PARD3B: variants seen among roughly 807,000 people sequenced by gnomAD.
The protein encoded by PARD3B is partitioning defective 3 homolog B.
A neutral mutation model predicts 130.2 loss-of-function variants in PARD3B; 103 were observed. The observed-to-expected ratio is 0.79, with a 90% CI of 0.67 to 0.93. The LOEUF is 0.93. PARD3B is among the 40% of genes least tolerant of loss of function. The probability of loss-of-function intolerance (pLI) is 0.00; values close to 1 mark genes in which losing one functional copy is unlikely to be tolerated. For synonymous variants in PARD3B, 583 were observed against 553.2 expected, an observed-to-expected ratio of 1.05 and a Z score of -0.76; for missense variants, 1,609 against 1,499.2, an observed-to-expected ratio of 1.07 and a Z score of -1.21.
intron 3 of PARD3B, among the ~76,000 whole-genome samples, chr2:204,978,861 G>A (rs1259845356): frequency 6.6e-6 from 1 of 151,352 alleles, no homozygotes; most frequent in Non-Finnish European, 1.5e-5. Context: ...CTACTCAGGA[G>A]GCTAAGGCAA....
rs540715572 is a variant in PARD3B at position 205,540,587 on chromosome 2, A to G, written c.3181-12737A>G. The stretch of plus-strand genomic sequence containing the variant: ...GCAAATTCTACCCAGGGTTGCAGTA[A>G]TATTTCTAACCAGCTTCCTTTGTCC... On this transcript the variant is annotated intron_variant, in intron 21 of 22. Transcript: ENST00000406610. 1.1e-4 allele frequency among the ~76,000 whole-genome samples: 17 copies of G among 152,282 alleles called. No individual in the cohort carries two copies. The South Asian group carries it at 2.1e-3, about 19-fold the overall frequency.
intron 2 of PARD3B, among the ~76,000 whole-genome samples, chr2:204,818,726 C>T (rs2043229840): frequency 6.6e-6 from 1 of 152,150 alleles, no homozygotes; most frequent in Non-Finnish European, 1.5e-5. Context: ...ATTTCAGCCT[C>T]AGCTAAGACA....
chr2:205,386,913 C>G (rs1231941205), intron 18 of PARD3B, among the ~76,000 whole-genome samples: 1 of 151,916 alleles, frequency 6.6e-6, no homozygotes, highest in Non-Finnish European at 1.5e-5. Flanking sequence ...ATTTTTAAAC[C>G]AATAAAAATA....
intron 15 of PARD3B, among the ~76,000 whole-genome samples, chr2:205,245,080 G>T (rs2039511334): frequency 6.6e-6 from 1 of 152,178 alleles, no homozygotes; most frequent in African/African-American, 2.4e-5. Flanking sequence ...ACCTCTGTCT[G>T]CTTTGGCTTC....
At chr2:205,149,638 A>G (rs1343341691) in intron 10 of PARD3B, among the ~76,000 whole-genome samples, 1 of 152,196 alleles carries the variant, frequency 6.6e-6, no homozygotes, top group South Asian at 2.1e-4. Flanking sequence ...TTCTCCACTC[A>G]GAGATATCTG....
At chr2:205,434,735 T>C (rs1393132054) in intron 19 of PARD3B, among the ~76,000 whole-genome samples, 1 of 152,080 alleles carries the variant, frequency 6.6e-6, no homozygotes, top group Non-Finnish European at 1.5e-5. Flanking sequence ...GAACAATAAT[T>C]TGAAGAAAAT....
In PARD3B at chr2:205,553,322, A is replaced by G. The variant is rs1369684205; in HGVS notation, c.3181-2A>G. On this transcript the variant is annotated splice_acceptor_variant, in intron 21 of 22. Coordinates refer to ENST00000406610, the MANE Select transcript of PARD3B (RefSeq NM_001302769.2). LOFTEE classifies it high-confidence loss of function. The stretch of plus-strand genomic sequence containing the variant: ...CATCTCTAATTGCTTTTCTCTCCAC[A>G]GGTGCCTGGAAGGGGTCCAGATGGG... 1 of 1,613,538 alleles carries G rather than the reference A, an allele frequency of 6.2e-7. No individual in the cohort carries two copies. Among genetic ancestry groups the G allele is most frequent in the East Asian group, 2.2e-5 (1 of 44,844 alleles).
intron 4 of PARD3B, among the ~76,000 whole-genome samples, chr2:205,073,995 T>G (rs1285334702): frequency 6.6e-6 from 1 of 152,196 alleles, no homozygotes; most frequent in Non-Finnish European, 1.5e-5. Context: ...AAAATGCACT[T>G]CAGTCCCATT....
At chr2:205,340,864 TCC>T (rs2043499325) in intron 18 of PARD3B, among the ~76,000 whole-genome samples, 1 of 152,068 alleles carries the variant, frequency 6.6e-6, no homozygotes, top group Non-Finnish European at 1.5e-5. Flanking sequence ...GAAACTAATA[TCC>T]GGAACACCTA....
intron 4 of PARD3B, among the ~76,000 whole-genome samples, chr2:205,086,220 C>A (rs1171690920): frequency 6.6e-6 from 1 of 152,202 alleles, no homozygotes; most frequent in Non-Finnish European, 1.5e-5. Flanking sequence ...ACAAGCCCTA[C>A]TGGTTTTTCC....
chr2:205,185,716 A>G (rs1452626769), intron 13 of PARD3B, 48 bp from the exon 14 acceptor site: 1 of 1,517,562 alleles, frequency 6.6e-7, no homozygotes, highest in Non-Finnish European at 9.1e-7. Context: ...CAGGCATCGA[A>G]TGGTTCTGCT....
At position 205,113,533 on chromosome 2, in the gene PARD3B, A is replaced by G. The variant is rs370011906; in HGVS notation, c.636A>G (p.Pro212=). 28 of 1,613,292 alleles carry G rather than the reference A, an allele frequency of 1.7e-5. No individual in the cohort carries two copies. The highest frequency in any genetic ancestry group is 2.2e-5 in the Non-Finnish European group (26 of 1,179,644). The change falls in exon 6 of 23, where the codon CCA becomes CCG. Residue 212 remains proline, a synonymous_variant. Coordinates refer to ENST00000406610, the MANE Select transcript of PARD3B (RefSeq NM_001302769.2). The part of the protein sequence containing the change: ...RTVEISGEGG[P]LGIHVVPFFS... Reference sequence around the variant, plus strand: ...TGGAGATTTCTGGGGAAGGAGGCCCATTGGGAATACATGTAGTGCCCTTCT... The same window carrying G: ...TGGAGATTTCTGGGGAAGGAGGCCCGTTGGGAATACATGTAGTGCCCTTCT...
chr2:204,725,166 T>C (rs990039179), intron 2 of PARD3B, among the ~76,000 whole-genome samples: 2 of 152,232 alleles, frequency 1.3e-5, no homozygotes, highest in African/African-American at 4.8e-5. Context: ...TATGGTTATT[T>C]GAATAATCCA....
chr2:205,466,980 T>C (rs59229858), intron 20 of PARD3B, among the ~76,000 whole-genome samples: 6,708 of 152,334 alleles, frequency 0.044, 505 homozygotes, highest in African/African-American at 0.15. Flanking sequence ...ACCAAAGTGC[T>C]GGGATCACAG....
chr2:205,589,302 C>G lies in PARD3B; in HGVS notation c.3261-26154C>G, dbSNP rs1371639295. Among the ~76,000 whole-genome samples, 1 of 152,154 alleles carries G rather than the reference C, an allele frequency of 6.6e-6. No individual in the cohort carries two copies. Among genetic ancestry groups the G allele is most frequent in the Non-Finnish European group, 1.5e-5 (1 of 68,032 alleles). On this transcript the variant is annotated intron_variant, in intron 22 of 22. Coordinates refer to ENST00000406610, the MANE Select transcript of PARD3B (RefSeq NM_001302769.2). The surrounding 1 kb of genome is among the most constrained non-coding windows in gnomAD (Gnocchi z 4.1). ...CGAGACCCTGTCTCAATCAATCAATCAATCAATCAAATCCTGAGCCATATC... is the reference window on the plus strand; with the variant it reads ...CGAGACCCTGTCTCAATCAATCAATGAATCAATCAAATCCTGAGCCATATC...
intron 22 of PARD3B, among the ~76,000 whole-genome samples, chr2:205,593,521 G>A (rs1199366013): frequency 6.6e-6 from 1 of 152,144 alleles, no homozygotes; most frequent in Non-Finnish European, 1.5e-5. Flanking sequence ...ATTCCCCAAT[G>A]GGATGTTAGT....
intron 16 of PARD3B, among the ~76,000 whole-genome samples, chr2:205,248,380 TTGGTGGTGG>T (rs751935440): frequency 3.7e-4 from 54 of 145,362 alleles, no homozygotes; most frequent in South Asian, 2.6e-3. Flanking sequence ...TCATTGGGAT[TTGGTGGTGG>T]TGGTGGTGGT....
At chr2:205,428,430 C>T (rs2047219391) in intron 19 of PARD3B, among the ~76,000 whole-genome samples, 2 of 152,132 alleles carry the variant, frequency 1.3e-5, no homozygotes, top group Non-Finnish European at 2.9e-5. Context: ...CTCACCTCTT[C>T]TGCCATGTGA....
chr2:205,180,357 A>G (rs1057457486), intron 13 of PARD3B, among the ~76,000 whole-genome samples: 1 of 152,078 alleles, frequency 6.6e-6, no homozygotes, highest in Non-Finnish European at 1.5e-5. Context: ...AAAGAGTATC[A>G]TGGCCATCAC....
Sources: allele counts gnomAD v4.1 joint callset (sites outside exome capture counted in the v4.1 genomes callset), GRCh38; gene constraint gnomAD v4.1.1; non-coding constraint Gnocchi (gnomAD v3.1); transcripts MANE v1.5; gene names NCBI Gene and HGNC (gene_info 2026-07-23, HGNC 2026-07-21).